FCN1: variants seen among roughly 807,000 people sequenced by gnomAD.
FCN1 encodes the protein ficolin 1.
In FCN1, 42 loss-of-function variants were observed where a neutral mutation model predicts 35.6. That is an observed-to-expected ratio of 1.18 (90% confidence interval 0.92 to 1.53). FCN1 has a LOEUF of 1.53. Ranked by LOEUF, FCN1 falls within the 40% of genes most tolerant of loss-of-function variation. The pLI, the probability that FCN1 is intolerant of heterozygous loss-of-function variation, is 0.00. For missense variants in FCN1, 439 were observed against 428.4 expected, an observed-to-expected ratio of 1.02 and a Z score of -0.22; for synonymous variants, 179 against 169.8, an observed-to-expected ratio of 1.05 and a Z score of -0.42.
rs1196957730 is a variant in FCN1, at chr9:134,903,691, TA to T, written c.*6106del. ...TCCAAGTGTGCCAAAAAACTAAGAT[TA>T]AAAAGAAACAAAAAACAGAAGATAA... On this transcript the variant is annotated 3_prime_UTR_variant, in exon 9 of 9. Coordinates refer to ENST00000371806, the MANE Select transcript of FCN1 (RefSeq NM_002003.5). Among the ~76,000 whole-genome samples the T allele has an allele frequency of 6.6e-6, 1 of 150,852 alleles. No homozygotes were observed. The highest frequency in any genetic ancestry group is 1.5e-5 in the Non-Finnish European group (1 of 67,804).
chr9:134,916,579 G>T (rs1441950918), intron 1 of FCN1, 118 bp from the exon 2 acceptor site: 1 of 1,058,562 alleles, frequency 9.4e-7, no homozygotes, highest in Non-Finnish European at 1.4e-6. Context: ...GTGAGGCGGA[G>T]ATGTGATGGG....
rs567362021 is a variant in FCN1 at position 134,904,317 on chromosome 9, A to C, written c.*5481T>G. Among the ~76,000 whole-genome samples the C allele has an allele frequency of 1.3e-5, 2 of 152,264 alleles. No individual in the cohort carries two copies. The highest frequency in any genetic ancestry group is 2.9e-5 in the Non-Finnish European group (2 of 68,038). ...GACTTTCAGCTAGCTTTTCAGCTGA[A>C]ATAACTGAATCTGAAAATACTGGAC... On this transcript the variant is annotated 3_prime_UTR_variant, in exon 9 of 9. Coordinates refer to ENST00000371806, the MANE Select transcript of FCN1 (RefSeq NM_002003.5).
At chr9:134,911,732 T>C (rs1280177185) in intron 7 of FCN1, among the ~76,000 whole-genome samples, 1 of 152,180 alleles carries the variant, frequency 6.6e-6, no homozygotes, top group Non-Finnish European at 1.5e-5. Flanking sequence ...AAATCCCTTG[T>C]TGCTATCAGG....
intron 3 of FCN1, 147 bp downstream of exon 3, chr9:134,914,609 C>A: frequency 2.3e-6 from 2 of 858,054 alleles, no homozygotes; most frequent in South Asian, 3.2e-5. Flanking sequence ...GGGTCCCTGT[C>A]CGCCTGCCAC....
chr9:134,914,456 C>T (rs757477665), intron 3 of FCN1, 36 bp from the exon 4 acceptor site: 18 of 1,600,698 alleles, frequency 1.1e-5, no homozygotes, highest in Non-Finnish European at 1.5e-5. Context: ...CTTTTGACCC[C>T]AGATGTGTGG....
intron 7 of FCN1, among the ~76,000 whole-genome samples, chr9:134,911,709 C>A (rs893755958): frequency 6.6e-6 from 1 of 152,064 alleles, no homozygotes; most frequent in African/African-American, 2.4e-5. Flanking sequence ...AAAAATCAAC[C>A]GGAAATGTCA....
intron 6 of FCN1, 82 bp from the exon 7 acceptor site, chr9:134,912,697 C>A: frequency 1.3e-6 from 2 of 1,583,574 alleles, no homozygotes; most frequent in East Asian, 4.5e-5. Flanking sequence ...AGAGGAGCAG[C>A]ATTTGTAGTT....
chr9:134,911,048 G>C, intron 8 of FCN1, 85 bp downstream of exon 8: 7 of 1,405,158 alleles, frequency 5.0e-6, no homozygotes, highest in Non-Finnish European at 7.0e-6. Context: ...AGAGAGGAGG[G>C]CCCAAGGTCA....
chr9:134,916,247 GA>G lies in FCN1; in HGVS notation c.217+100del, dbSNP rs1373640804. 5 of 917,514 alleles carry G rather than the reference GA, an allele frequency of 5.4e-6. No homozygotes were observed. In the East Asian group the frequency reaches 1.2e-4, roughly 22 times the overall value. The allele number at this position is 917,514 out of a possible 1,614,324, so 56.8% of individuals were successfully genotyped here. The stretch of plus-strand genomic sequence containing the variant: ...GGCCTGACCCAGGCTCTTGATCTAG[GA>G]ACCACGGTGGGGGTGTTGCCCAACT... On this transcript the variant is annotated intron_variant, in intron 2 of 8. Transcript: ENST00000371806.
intron 3 of FCN1, 130 bp downstream of exon 3, chr9:134,914,626 T>C: frequency 1.1e-6 from 1 of 911,844 alleles, no homozygotes; most frequent in Non-Finnish European, 1.7e-6. Flanking sequence ...CCACTGTCTT[T>C]CTCTCTCTGT....
intron 2 of FCN1, among the ~76,000 whole-genome samples, chr9:134,915,873 G>C (rs1831085983): frequency 6.6e-6 from 1 of 152,200 alleles, no homozygotes; most frequent in Non-Finnish European, 1.5e-5. Flanking sequence ...CAGGGCTCAG[G>C]ATTCGGGTGC....
Position 134,916,454 on chromosome 9 carries a change from C to T in FCN1, c.111G>A (p.Lys37=), listed in dbSNP as rs1039933790. The T allele has an allele frequency of 1.4e-5, 23 of 1,614,108 alleles. No individual in the cohort carries two copies. The highest frequency in any genetic ancestry group is 1.9e-5 in the Non-Finnish European group (23 of 1,180,026). Residue 37 remains lysine (K), a synonymous_variant, in exon 2 of 9, where the codon AAG becomes AAA. Coordinates refer to ENST00000371806, the MANE Select transcript of FCN1 (RefSeq NM_002003.5). ...TGTCAGAGCCCTCCAGGCCCACCACCTTCACCTCTGCAGAGAAACACAGGT... is the reference window on the plus strand; with the variant it reads ...TGTCAGAGCCCTCCAGGCCCACCACTTTCACCTCTGCAGAGAAACACAGGT... ...AQAADTCPEV[K]VVGLEGSDKL... is the part of the protein sequence containing the mutation.
rs1437838509 is a variant in FCN1, at chr9:134,907,290, A to G, written c.*2508T>C. On this transcript the variant is annotated 3_prime_UTR_variant, in exon 9 of 9. Transcript: ENST00000371806. ...GCGTAGTAGGGTCTGGTCAGCCCCC[A>G]ATGGGCTACAAGGACCTCTCCTTAC... The G allele has an allele frequency of 6.6e-6, 1 of 152,208 alleles. No individual in the cohort carries two copies. 9.4% of individuals were successfully genotyped at this position (152,208 alleles called of 1,614,324 possible).
Position 134,916,332 on chromosome 9 carries a change from C to G in FCN1, c.217+16G>C, listed in dbSNP as rs1831091115. 5.0e-6 allele frequency: 8 copies of G among 1,600,418 alleles called. 1 individual carries two copies. In the East Asian group the frequency reaches 1.8e-4, roughly 36 times the overall value. On this transcript the variant is annotated intron_variant, in intron 2 of 8. Transcript: ENST00000371806. Reference sequence around the variant, plus strand: ...GCCCCTGCCATGCCTGGCCTCCCCACCCGGCCCGCACCTACCTCTCTCTCC... The same window carrying G: ...GCCCCTGCCATGCCTGGCCTCCCCAGCCGGCCCGCACCTACCTCTCTCTCC...
chr9:134,911,154 C>A lies in FCN1; in HGVS notation c.712G>T (p.Ala238Ser), dbSNP rs775626408. The change falls in exon 8 of 9, where the codon GCC becomes TCC. Residue 238 changes from alanine (A) to serine (S), a missense_variant. Coordinates refer to ENST00000371806, the MANE Select transcript of FCN1 (RefSeq NM_002003.5). ...TCACCCGCACTGCCCCCGACAAAGG[C>A]TCCCAGTACCAGCTTGTACTTCTCT... ...EAEKYKLVLGAFVGGSAGNSL... is the reference protein window; with the variant it reads ...EAEKYKLVLGSFVGGSAGNSL... 6 of 1,614,216 alleles carry A rather than the reference C, an allele frequency of 3.7e-6. No individual in the cohort carries two copies. In the South Asian group the frequency reaches 6.6e-5, roughly 18 times the overall value.
Position 134,909,129 on chromosome 9 carries a change from C to T in FCN1, c.*669G>A, listed in dbSNP as rs1047976599. 3 of 1,099,236 alleles carry T rather than the reference C, an allele frequency of 2.7e-6. No individual in the cohort carries two copies. The highest frequency in any genetic ancestry group is 5.8e-5 in the East Asian group (1 of 17,110). The allele number at this position is 1,099,236 out of a possible 1,614,324, so 68.1% of individuals were successfully genotyped here. On this transcript the variant is annotated 3_prime_UTR_variant, in exon 9 of 9. Coordinates refer to ENST00000371806, the MANE Select transcript of FCN1 (RefSeq NM_002003.5). ...CTGAGGTCTGTGTGTGGGAGGAAGG[C>T]CTCTTCGGAATCTTCTCTGTGCAGG...
intron 1 of FCN1, among the ~76,000 whole-genome samples, chr9:134,917,539 C>G (rs1831106302): frequency 6.6e-6 from 1 of 152,224 alleles, no homozygotes; most frequent in South Asian, 2.1e-4. Flanking sequence ...TGGGCAAATC[C>G]TGGGCTTTCG....
intron 5 of FCN1, 133 bp from the exon 6 acceptor site, chr9:134,913,276 A>G (rs1486947259): frequency 2.4e-6 from 3 of 1,261,528 alleles, no homozygotes; most frequent in Non-Finnish European, 3.3e-6. Flanking sequence ...CGAGGCCTGG[A>G]CAGGGACACG....
At position 134,905,865 on chromosome 9, in the gene FCN1, T is replaced by TTCTC. The variant is rs1564215314; in HGVS notation, c.*3932_*3933insGAGA. On this transcript the variant is annotated 3_prime_UTR_variant, in exon 9 of 9. Coordinates refer to ENST00000371806, the MANE Select transcript of FCN1 (RefSeq NM_002003.5). ...CTCTTCCTCTTCCTCTTCCTCTTCCTCTTCTTCTTCTTCTTCTTCTTCTTC... is the reference window on the plus strand; with the variant it reads ...CTCTTCCTCTTCCTCTTCCTCTTCCTTCTCCTTCTTCTTCTTCTTCTTCTTCTTC... 1 of 45,054 alleles carries TTCTC rather than the reference T, an allele frequency of 2.2e-5. No individual in the cohort carries two copies. The highest frequency in any genetic ancestry group is 2.2e-4 in the African/African-American group (1 of 4,596). The allele number at this position is 45,054 out of a possible 1,614,324, so 2.8% of individuals were successfully genotyped here.
Sources: gnomAD v4.1 joint callset for allele counts (sites outside exome capture counted in the v4.1 genomes callset) on GRCh38, gnomAD v4.1.1 for gene constraint, MANE v1.5 for transcripts, NCBI Gene and HGNC (gene_info 2026-07-23, HGNC 2026-07-21) for gene names.